ADAMTSL3: variants seen among roughly 807,000 people sequenced by gnomAD.
ADAMTSL3 encodes ADAMTS-like protein 3.
ADAMTSL3 carries 128 observed loss-of-function variants against 201.7 expected under a neutral mutation model. That is an observed-to-expected ratio of 0.63 (90% confidence interval 0.55 to 0.73). The LOEUF is 0.73. ADAMTSL3 is among the 30% of genes least tolerant of loss of function. ADAMTSL3 has a pLI of 0.00. For missense variants in ADAMTSL3, 1,990 were observed against 2,119.6 expected (o/e 0.94, Z 1.20); for synonymous variants, 738 against 748.4 (o/e 0.99, Z 0.23).
intron 26 of ADAMTSL3, among the ~76,000 whole-genome samples, chr15:84,023,724 A>G (rs1371868424): frequency 6.6e-6 from 1 of 151,966 alleles, no homozygotes; most frequent in East Asian, 1.9e-4. Context: ...ACCTTTGCAC[A>G]CTCCTAGGAT....
chr15:83,931,935 A>G (rs1307333354), intron 17 of ADAMTSL3, among the ~76,000 whole-genome samples: 1 of 152,256 alleles, frequency 6.6e-6, no homozygotes, highest in Non-Finnish European at 1.5e-5. Flanking sequence ...ACTGTTTACT[A>G]AAACTTAGGA....
chr15:83,922,997 C>T (rs1381915152), intron 16 of ADAMTSL3, among the ~76,000 whole-genome samples: 1 of 151,446 alleles, frequency 6.6e-6, no homozygotes, highest in African/African-American at 2.4e-5. Flanking sequence ...TTTTTTTGTC[C>T]CAGCGGACAA....
intron 2 of ADAMTSL3, among the ~76,000 whole-genome samples, chr15:83,688,290 A>C (rs564903382): frequency 1.8e-4 from 27 of 152,214 alleles, no homozygotes; most frequent in Non-Finnish European, 3.1e-4. Flanking sequence ...ACATTATATT[A>C]TTTAAACTCT....
At chr15:83,988,905 A>C in intron 22 of ADAMTSL3, 87 bp downstream of exon 22, 1 of 818,000 alleles carries the variant, frequency 1.2e-6, no homozygotes, top group Non-Finnish European at 1.5e-6. Context: ...TTTTTGAGAC[A>C]GAGTCTCGCT....
At chr15:83,952,006 G>C (rs1311785241) in intron 19 of ADAMTSL3, among the ~76,000 whole-genome samples, 2 of 151,856 alleles carry the variant, frequency 1.3e-5, no homozygotes, top group Non-Finnish European at 2.9e-5. Context: ...CTAATTTTGG[G>C]TTGTTTTGCT....
At chr15:83,976,071 G>A (rs1035890399) in intron 20 of ADAMTSL3, among the ~76,000 whole-genome samples, 5 of 152,168 alleles carry the variant, frequency 3.3e-5, no homozygotes, top group South Asian at 2.1e-4. Context: ...CTAAATTCCC[G>A]ATGCCTGATG....
intron 6 of ADAMTSL3, among the ~76,000 whole-genome samples, chr15:83,823,962 T>A (rs867142351): frequency 0.019 from 1,559 of 80,768 alleles, 107 homozygotes; most frequent in African/African-American, 0.045. Context: ...CTTCTTCTTC[T>A]TCTTCTTCTT....
chr15:84,007,578 C>G (rs900746100), intron 23 of ADAMTSL3, among the ~76,000 whole-genome samples: 2 of 145,278 alleles, frequency 1.4e-5, no homozygotes, highest in Non-Finnish European at 3.2e-5. Flanking sequence ...AAATCCATCT[C>G]TCTCTGGCTC....
intron 23 of ADAMTSL3, among the ~76,000 whole-genome samples, chr15:83,991,853 A>G (rs1318437423): frequency 6.6e-6 from 1 of 152,118 alleles, no homozygotes; most frequent in African/African-American, 2.4e-5. Flanking sequence ...TAAGCCATGG[A>G]TTCTTAAGTC....
At chr15:83,754,404 G>A (rs73437218) in intron 3 of ADAMTSL3, among the ~76,000 whole-genome samples, 38 of 152,206 alleles carry the variant, frequency 2.5e-4, no homozygotes, top group African/African-American at 8.2e-4. Flanking sequence ...GTTCACCGGA[G>A]AGAGCTGAAT....
intron 2 of ADAMTSL3, among the ~76,000 whole-genome samples, chr15:83,656,583 A>G (rs71395419): frequency 0.085 from 12,927 of 152,304 alleles, 757 homozygotes; most frequent in Middle Eastern, 0.15. Flanking sequence ...ATTGAAAGGC[A>G]GATAAATGTG....
chr15:83,905,832 C>T (rs1175291716), intron 15 of ADAMTSL3, among the ~76,000 whole-genome samples: 3 of 152,168 alleles, frequency 2.0e-5, no homozygotes, highest in African/African-American at 7.2e-5. Context: ...GCTGGCTTCT[C>T]TCGCCAGCAG....
At chr15:83,822,477 A>T (rs1397597309) in intron 6 of ADAMTSL3, among the ~76,000 whole-genome samples, 1 of 117,534 alleles carries the variant, frequency 8.5e-6, no homozygotes, top group Non-Finnish European at 1.7e-5. Context: ...CACTTCTCAG[A>T]CGGGGCGGCC....
At chr15:84,006,705 G>A (rs1262616940) in intron 23 of ADAMTSL3, among the ~76,000 whole-genome samples, 7 of 152,174 alleles carry the variant, frequency 4.6e-5, no homozygotes, top group Non-Finnish European at 8.8e-5. Flanking sequence ...TATTTCTGAC[G>A]TTTTATAGCT....
At chr15:83,920,299 G>A (rs181534628) in intron 16 of ADAMTSL3, among the ~76,000 whole-genome samples, 5 of 152,308 alleles carry the variant, frequency 3.3e-5, no homozygotes, top group Middle Eastern at 3.4e-3. Flanking sequence ...GCCTCGAGCT[G>A]TAGTTTCTTC....
intron 13 of ADAMTSL3, among the ~76,000 whole-genome samples, chr15:83,894,648 A>G (rs1357642502): frequency 6.6e-6 from 1 of 152,098 alleles, no homozygotes; most frequent in African/African-American, 2.4e-5. Context: ...TTCTAATATA[A>G]TGTATTTTTA....
chr15:83,904,520 G>A (rs1165790376), intron 15 of ADAMTSL3, among the ~76,000 whole-genome samples: 2 of 152,118 alleles, frequency 1.3e-5, no homozygotes, highest in Non-Finnish European at 2.9e-5. Flanking sequence ...GGTTTACCAT[G>A]GCTCGAGTTC....
intron 5 of ADAMTSL3, among the ~76,000 whole-genome samples, chr15:83,818,636 C>CT (rs922218219): frequency 2.6e-5 from 4 of 152,234 alleles, no homozygotes; most frequent in Admixed American, 6.5e-5. Context: ...GGCTATGTTG[C>CT]TTTTTTCTAC....
chr15:83,842,710 C>T (rs1263005345), intron 7 of ADAMTSL3, among the ~76,000 whole-genome samples: 1 of 152,148 alleles, frequency 6.6e-6, no homozygotes, highest in Non-Finnish European at 1.5e-5. Context: ...GATTGTAGGA[C>T]AAACCAAAGT....
Sources: allele counts gnomAD v4.1 joint callset (sites outside exome capture counted in the v4.1 genomes callset), GRCh38; gene constraint gnomAD v4.1.1; transcripts MANE v1.5; gene names NCBI Gene and HGNC (gene_info 2026-07-23, HGNC 2026-07-21).